Variants in UBXN6 observed in about 807,000 individuals in gnomAD.
The protein encoded by UBXN6 is UBX domain-containing protein 6.
Under a neutral mutation model 51.4 loss-of-function variants are expected in UBXN6, and 44 were observed. That is an observed-to-expected ratio of 0.86 (90% CI 0.67 to 1.10). The LOEUF is 1.10. Among genes scored for constraint, UBXN6 ranks in the 50% least tolerant of loss-of-function variants. The pLI, the probability that UBXN6 is intolerant of heterozygous loss-of-function variation, is 0.00. For synonymous variants in UBXN6, 316 were observed against 263.2 expected, an observed-to-expected ratio of 1.20 and a Z score of -1.94; for missense variants, 672 against 596.1, an observed-to-expected ratio of 1.13 and a Z score of -1.32.
chr19:4,454,427 C>T (rs1974708880), intron 1 of UBXN6, among the ~76,000 whole-genome samples: 1 of 152,122 alleles, frequency 6.6e-6, no homozygotes, highest in African/African-American at 2.4e-5. Flanking sequence ...ATCCTCAGTG[C>T]TTTTTTTCTT....
At chr19:4,450,961 G>A (rs575951941) in intron 4 of UBXN6, 19 of 152,332 alleles carry the variant, frequency 1.2e-4, no homozygotes, top group South Asian at 8.3e-4. Context: ...GTGATTTACA[G>A]TATGGTGAGA....
intron 1 of UBXN6, 135 bp from the exon 2 acceptor site, chr19:4,454,228 C>T (rs182269512): frequency 6.8e-6 from 7 of 1,031,212 alleles, no homozygotes; most frequent in South Asian, 3.4e-5. Context: ...TGGGCCAGGA[C>T]ACCTGGTTCC....
In UBXN6 at chr19:4,445,433, G is replaced by T; in HGVS notation, c.*65C>A. 1 of 1,601,650 alleles carries T rather than the reference G, an allele frequency of 6.2e-7. No homozygotes were observed. The highest frequency in any genetic ancestry group is 2.2e-5 in the East Asian group (1 of 44,608). On this transcript the variant is annotated 3_prime_UTR_variant, in exon 11 of 11. Transcript: ENST00000301281. ...GAGGTGGCTTGGAGGCCCTGGGGTG[G>T]CGGGGAGAGGAACAGGGAGAGCATG...
At chr19:4,453,834 C>T (rs1974696360) in intron 2 of UBXN6, 96 bp downstream of exon 2, 1 of 1,522,846 alleles carries the variant, frequency 6.6e-7, no homozygotes, top group Non-Finnish European at 8.8e-7. Context: ...CTCACACCCC[C>T]ACGGTTGCTC....
rs754649740 is a variant in UBXN6, at chr19:4,446,727, G to A, written c.701-8C>T. The A allele has an allele frequency of 1.5e-5, 24 of 1,608,514 alleles. No individual in the cohort carries two copies. Among genetic ancestry groups the A allele is most frequent in the African/African-American group, 2.7e-5 (2 of 74,832 alleles). ...AGAACTCCTCGGGGTCCTCTACAGCGTGGCAGGACATGGGTGTCACTGTGC... is the reference window on the plus strand; with the variant it reads ...AGAACTCCTCGGGGTCCTCTACAGCATGGCAGGACATGGGTGTCACTGTGC... On this transcript the variant is annotated splice_polypyrimidine_tract_variant and splice_region_variant and intron_variant, in intron 7 of 10. Coordinates refer to ENST00000301281, the MANE Select transcript of UBXN6 (RefSeq NM_025241.3).
chr19:4,448,105 A>G, intron 5 of UBXN6: 1 of 594,546 alleles, frequency 1.7e-6, no homozygotes, highest in Non-Finnish European at 3.0e-6. Context: ...GATTCCTTCA[A>G]CACCTTCATT....
At chr19:4,453,300 G>A (rs1974685504) in intron 3 of UBXN6, among the ~76,000 whole-genome samples, 158 bp downstream of exon 3, 1 of 152,180 alleles carries the variant, frequency 6.6e-6, no homozygotes, top group African/African-American at 2.4e-5. Context: ...GAAGGTCCCA[G>A]ACAACACCGT....
intron 6 of UBXN6, chr19:4,447,339 G>A (rs1316655204): frequency 3.4e-6 from 2 of 596,404 alleles, no homozygotes; most frequent in African/African-American, 1.9e-5. Context: ...AGGAGAGGCA[G>A]AATTTGTTGA....
Position 4,446,154 on chromosome 19 carries a change from G to T in UBXN6, c.1095C>A (p.Phe365Leu). The T allele has an allele frequency of 6.2e-7, 1 of 1,610,628 alleles. No homozygotes were observed. The highest frequency in any genetic ancestry group is 8.5e-7 in the Non-Finnish European group (1 of 1,179,640). The change falls in exon 10 of 11, where the codon TTC becomes TTA. Residue 365 changes from phenylalanine to leucine, a missense_variant. Transcript: ENST00000301281. ...AGTCGCTCTGCAGGGCCTCCCGGAC[G>T]AACCCGTACACCGCCCCCAGCCGCT... ...ARERLGAVYGFVREALQSDWL... is the reference protein window; with the variant it reads ...ARERLGAVYGLVREALQSDWL...
chr19:4,446,995 G>A (rs1425964274), intron 6 of UBXN6, 75 bp from the exon 7 acceptor site: 2 of 1,478,392 alleles, frequency 1.4e-6, no homozygotes, highest in Non-Finnish European at 9.3e-7. Context: ...CCAGTCCAGG[G>A]GCCCGGCTCT....
At chr19:4,451,888 G>A (rs1974659440) in intron 4 of UBXN6, among the ~76,000 whole-genome samples, 1 of 152,150 alleles carries the variant, frequency 6.6e-6, no homozygotes, top group South Asian at 2.1e-4. Context: ...GGTGGCTCAC[G>A]TCTGTAATCC....
chr19:4,446,156 AC>A lies in UBXN6; in HGVS notation c.1092del (p.Phe365SerfsTer31). ...TCGCTCTGCAGGGCCTCCCGGACGAACCCGTACACCGCCCCCAGCCGCTCCC... is the reference window on the plus strand; with the variant it reads ...TCGCTCTGCAGGGCCTCCCGGACGAACCGTACACCGCCCCCAGCCGCTCCC... ...YARERLGAVY[G>X]FVREALQSDW... is the part of the protein sequence containing the mutation. On this transcript the variant is annotated frameshift_variant, in exon 10 of 11. Transcript: ENST00000301281. LOFTEE classifies it high-confidence loss of function. The A allele has an allele frequency of 6.2e-7, 1 of 1,609,916 alleles. No homozygotes were observed. The highest frequency in any genetic ancestry group is 1.7e-5 in the Admixed American group (1 of 59,902).
At chr19:4,456,981 C>T (rs925415503) in intron 1 of UBXN6, among the ~76,000 whole-genome samples, 11 of 152,084 alleles carry the variant, frequency 7.2e-5, no homozygotes, top group African/African-American at 2.4e-4. Flanking sequence ...GCCTTCCAGA[C>T]TCTTTCTAGT....
intron 4 of UBXN6, 53 bp from the exon 5 acceptor site, chr19:4,448,468 C>G: frequency 7.0e-7 from 1 of 1,429,190 alleles, no homozygotes; most frequent in Non-Finnish European, 9.6e-7. Flanking sequence ...GGCCGCACGG[C>G]CCTCCGCTGC....
intron 1 of UBXN6, among the ~76,000 whole-genome samples, chr19:4,457,326 C>T (rs1974752478): frequency 7.0e-6 from 1 of 143,030 alleles, no homozygotes; most frequent in South Asian, 2.3e-4. Flanking sequence ...CGAGACCTCC[C>T]CTCCCGCCCC....
At chr19:4,445,664 G>A in intron 10 of UBXN6, 41 bp from the exon 11 acceptor site, 1 of 1,590,892 alleles carries the variant, frequency 6.3e-7, no homozygotes, top group Non-Finnish European at 8.6e-7. Context: ...CCGAGAGTCG[G>A]CCCTTGCCGC....
intron 1 of UBXN6, 85 bp from the exon 2 acceptor site, chr19:4,454,178 C>T: frequency 7.2e-7 from 1 of 1,387,180 alleles, no homozygotes; most frequent in Non-Finnish European, 9.6e-7. Flanking sequence ...GAGCTTCTGC[C>T]CCTCCCCAGC....
chr19:4,457,804 A>T (rs1314733350), upstream of UBXN6: 160 of 552,738 alleles, frequency 2.9e-4, 3 homozygotes, highest in Non-Finnish European at 3.4e-4. Context: ...TTAAAAAAAA[A>T]AAAAAAAAAA....
chr19:4,446,204 A>G lies in UBXN6; in HGVS notation c.1052-7T>C, dbSNP rs374415680. The G allele has an allele frequency of 8.3e-5, 132 of 1,597,750 alleles. No homozygotes were observed. The African/African-American group carries it at 1.3e-3, about 16-fold the overall frequency. On this transcript the variant is annotated splice_polypyrimidine_tract_variant and splice_region_variant and intron_variant, in intron 9 of 10. Coordinates refer to ENST00000301281, the MANE Select transcript of UBXN6 (RefSeq NM_025241.3). ...TCCCGAGCGTAGAAAGTGCCTGGGG[A>G]GTGGGGGAGTCAGAGCGGGTGGGGC...
Sources: gnomAD v4.1 joint callset for allele counts (sites outside exome capture counted in the v4.1 genomes callset) on GRCh38, gnomAD v4.1.1 for gene constraint, MANE v1.5 for transcripts, NCBI Gene and HGNC (gene_info 2026-07-23, HGNC 2026-07-21) for gene names.